TRHDE: variants seen among roughly 807,000 people sequenced by gnomAD.
The protein encoded by TRHDE is thyrotropin releasing hormone degrading enzyme.
In TRHDE, 72 loss-of-function variants were observed where a neutral mutation model predicts 125.7. The observed-to-expected ratio is 0.57, with a 90% CI of 0.47 to 0.70. The LOEUF (loss-of-function observed/expected upper bound fraction) is 0.70. TRHDE is among the 30% of genes least tolerant of loss of function. The pLI is 0.00. For synonymous variants in TRHDE, 509 were observed against 509.1 expected, an observed-to-expected ratio of 1.00 and a Z score of 0.00; for missense variants, 1,110 against 1,327.1, an observed-to-expected ratio of 0.84 and a Z score of 2.54.
At chr12:72,132,325 G>T (rs1875884069) in intron 2 of TRHDE, among the ~76,000 whole-genome samples, 1 of 152,208 alleles carries the variant, frequency 6.6e-6, no homozygotes, top group African/African-American at 2.4e-5. Context: ...TTTGAAGGCT[G>T]AAGGGTTATA....
intron 2 of TRHDE, among the ~76,000 whole-genome samples, chr12:72,143,506 T>C (rs942349482): frequency 1.3e-5 from 2 of 151,804 alleles, no homozygotes; most frequent in African/African-American, 4.8e-5. Context: ...TCTGTTAGAT[T>C]TGGGGTACAG....
chr12:72,444,002 G>T (rs1389949414), intron 3 of TRHDE, among the ~76,000 whole-genome samples: 1 of 151,822 alleles, frequency 6.6e-6, no homozygotes, highest in East Asian at 1.9e-4. Flanking sequence ...ATATTGAATA[G>T]TAAACTAAAT....
intron 2 of TRHDE, among the ~76,000 whole-genome samples, chr12:72,325,778 A>G (rs1266739189): frequency 1.3e-5 from 2 of 152,156 alleles, no homozygotes; most frequent in Non-Finnish European, 2.9e-5. Flanking sequence ...TCGACAACAC[A>G]GCCAAGCCAA....
chr12:72,333,975 T>G (rs1869719954), intron 2 of TRHDE, among the ~76,000 whole-genome samples: 1 of 152,240 alleles, frequency 6.6e-6, no homozygotes, highest in Admixed American at 6.5e-5. Context: ...TGATTTTCTA[T>G]AGCTAGTGGA....
At chr12:72,222,662 G>C (rs2687492) in intron 2 of TRHDE, among the ~76,000 whole-genome samples, 120,182 of 152,050 alleles carry the variant, frequency 0.79, 47,879 homozygotes, top group African/African-American at 0.85. Flanking sequence ...TTGCTTACTA[G>C]TGTCCTTCAT....
chr12:72,265,386 A>G (rs1879043856), intron 2 of TRHDE, among the ~76,000 whole-genome samples: 1 of 151,912 alleles, frequency 6.6e-6, no homozygotes, highest in South Asian at 2.1e-4. Flanking sequence ...TCAGAAAAAC[A>G]TGTACAGAGA....
At chr12:72,481,015 C>T (rs1877143268) in intron 5 of TRHDE, among the ~76,000 whole-genome samples, 1 of 151,968 alleles carries the variant, frequency 6.6e-6, no homozygotes, top group African/African-American at 2.4e-5. Context: ...AGCATTTCCC[C>T]AGGTAAAATG....
At chr12:72,558,742 G>A (rs532298471) in intron 7 of TRHDE, among the ~76,000 whole-genome samples, 7 of 152,110 alleles carry the variant, frequency 4.6e-5, no homozygotes, top group Non-Finnish European at 1.0e-4. Context: ...AATTGAATAT[G>A]GTGGAAAGGG....
chr12:72,239,109 T>C (rs1418085459), intron 2 of TRHDE, among the ~76,000 whole-genome samples: 2 of 152,222 alleles, frequency 1.3e-5, no homozygotes, highest in East Asian at 1.9e-4. Context: ...TGGTATCTCA[T>C]TGTGGTTTTG....
chr12:72,123,036 T>G (rs1875629272), intron 2 of TRHDE, among the ~76,000 whole-genome samples: 1 of 152,178 alleles, frequency 6.6e-6, no homozygotes. Flanking sequence ...GTTAATCTGG[T>G]AGATAAATCA....
At chr12:72,206,679 CATGGA>C (rs909261092) in intron 2 of TRHDE, among the ~76,000 whole-genome samples, 3 of 151,972 alleles carry the variant, frequency 2.0e-5, no homozygotes, top group African/African-American at 7.2e-5. Flanking sequence ...TCCCTTTTCC[CATGGA>C]ATTCTATTTT....
chr12:72,402,134 G>C (rs976415827), intron 3 of TRHDE, among the ~76,000 whole-genome samples: 2 of 152,040 alleles, frequency 1.3e-5, no homozygotes, highest in Admixed American at 6.6e-5. Flanking sequence ...TGGTAGGATT[G>C]GTTTCTTTTG....
In TRHDE at chr12:72,273,492, C is replaced by G. The variant is rs768084605; in HGVS notation, c.849C>G (p.Asn283Lys). Reference protein sequence around the residue: ...QRNYNLKIIYNALIENELLGF... With the variant: ...QRNYNLKIIYKALIENELLGF... ...ATTACAATCTGAAGATTATCTACAA[C>G]GCGCTCATCGAGAATGAGCTCCTGG... Residue 283 changes from asparagine to lysine, a missense_variant, in exon 1 of 19, where the codon AAC (asparagine) becomes AAG (lysine). Asn to Lys is a moderately conservative substitution (Grantham distance 94). Transcript: ENST00000261180. The surrounding 1 kb of genome is among the most constrained non-coding windows in gnomAD (Gnocchi z 5.3). 1 of 1,612,014 alleles carries G rather than the reference C, an allele frequency of 6.2e-7. No individual in the cohort carries two copies. The highest frequency in any genetic ancestry group is 2.2e-5 in the East Asian group (1 of 44,848).
chr12:72,295,801 TA>T (rs397694118), intron 2 of TRHDE, among the ~76,000 whole-genome samples: 1 of 150,540 alleles, frequency 6.6e-6, no homozygotes, highest in African/African-American at 2.4e-5. Flanking sequence ...ATTTTTTTTT[TA>T]AATCACGTTA....
intron 9 of TRHDE, among the ~76,000 whole-genome samples, chr12:72,565,337 A>G (rs1870389258): frequency 6.6e-6 from 1 of 152,218 alleles, no homozygotes; most frequent in Non-Finnish European, 1.5e-5. Flanking sequence ...TCACTGCAAT[A>G]TGCCTAGAAC....
intron 2 of TRHDE, among the ~76,000 whole-genome samples, chr12:72,128,948 T>A (rs1423809285): frequency 6.6e-6 from 1 of 151,878 alleles, no homozygotes; most frequent in Non-Finnish European, 1.5e-5. Context: ...AGAACGCTAG[T>A]GAAAGAAAGA....
intron 12 of TRHDE, among the ~76,000 whole-genome samples, chr12:72,595,487 G>C (rs1224486555): frequency 6.6e-6 from 1 of 151,902 alleles, no homozygotes; most frequent in Non-Finnish European, 1.5e-5. Flanking sequence ...GTTTTCCAGA[G>C]TGACTAATTT....
intron 2 of TRHDE, among the ~76,000 whole-genome samples, chr12:72,291,674 G>A (rs1276941531): frequency 6.6e-6 from 1 of 152,140 alleles, no homozygotes; most frequent in Non-Finnish European, 1.5e-5. Context: ...AATACAATAT[G>A]GCAACTATTT....
chr12:72,637,515 C>G (rs1037431163), intron 15 of TRHDE, among the ~76,000 whole-genome samples: 1 of 151,920 alleles, frequency 6.6e-6, no homozygotes, highest in Non-Finnish European at 1.5e-5. Flanking sequence ...CAGTTCTGCT[C>G]TGATTTTAGT....
Sources: gnomAD v4.1 joint callset for allele counts (sites outside exome capture counted in the v4.1 genomes callset) on GRCh38, gnomAD v4.1.1 for gene constraint, Gnocchi (gnomAD v3.1) non-coding constraint, MANE v1.5 for transcripts, NCBI Gene and HGNC (gene_info 2026-07-23, HGNC 2026-07-21) for gene names.